SPAG16: variants seen among roughly 807,000 people sequenced by gnomAD.
SPAG16 encodes the protein sperm-associated antigen 16 protein.
A neutral mutation model predicts 80.4 loss-of-function variants in SPAG16; 86 were observed. That is an observed-to-expected ratio of 1.07 (90% CI 0.90 to 1.28). SPAG16 has a LOEUF of 1.28. Ranked by LOEUF, SPAG16 falls within the 50% of genes most tolerant of loss-of-function variation. The pLI is 0.00. For synonymous variants in SPAG16, 294 were observed against 265.9 expected, an observed-to-expected ratio of 1.11 and a Z score of -1.03; for missense variants, 870 against 765.3, an observed-to-expected ratio of 1.14 and a Z score of -1.61.
chr2:213,599,891 G>A (rs565565994), intron 10 of SPAG16, among the ~76,000 whole-genome samples: 1 of 152,118 alleles, frequency 6.6e-6, no homozygotes, highest in African/African-American at 2.4e-5. Context: ...TAGTAGAGAC[G>A]GGGTTTCACC....
At chr2:214,192,984 G>A (rs1352401503) in intron 15 of SPAG16, among the ~76,000 whole-genome samples, 1 of 151,992 alleles carries the variant, frequency 6.6e-6, no homozygotes, top group East Asian at 1.9e-4. Context: ...GCCAAGTGAC[G>A]ATGAAGTTTT....
chr2:213,680,759 T>C (rs560612978), intron 10 of SPAG16, among the ~76,000 whole-genome samples: 1 of 152,300 alleles, frequency 6.6e-6, no homozygotes, highest in African/African-American at 2.4e-5. Context: ...TGAGAACATG[T>C]GCTCAAGGTG....
intron 10 of SPAG16, among the ~76,000 whole-genome samples, chr2:213,791,031 AT>A (rs966031399): frequency 4.6e-5 from 7 of 151,796 alleles, no homozygotes; most frequent in East Asian, 1.9e-4. Flanking sequence ...ATTATCACTG[AT>A]TTTTTTTAGA....
At chr2:214,177,388 T>A (rs1231464791) in intron 15 of SPAG16, among the ~76,000 whole-genome samples, 5 of 151,166 alleles carry the variant, frequency 3.3e-5, no homozygotes, top group Admixed American at 2.0e-4. Context: ...TTCCATTTTT[T>A]AAAATTCTTA....
At chr2:213,666,220 G>T (rs2063595849) in intron 10 of SPAG16, among the ~76,000 whole-genome samples, 1 of 151,392 alleles carries the variant, frequency 6.6e-6, no homozygotes, top group South Asian at 2.1e-4. Flanking sequence ...TCTTTTTTTT[G>T]AACTAGACTG....
chr2:213,473,990 T>C (rs1316255402), intron 9 of SPAG16, among the ~76,000 whole-genome samples: 1 of 152,184 alleles, frequency 6.6e-6, no homozygotes, highest in Admixed American at 6.5e-5. Flanking sequence ...AAGTCATCAC[T>C]GTTGCTTCAG....
At chr2:214,302,736 G>C (rs745345159) in intron 15 of SPAG16, among the ~76,000 whole-genome samples, 38 of 152,320 alleles carry the variant, frequency 2.5e-4, no homozygotes, top group Non-Finnish European at 4.4e-4. Context: ...ACCTGCCTCA[G>C]CCTCCCGAAG....
intron 10 of SPAG16, among the ~76,000 whole-genome samples, chr2:213,632,085 T>C (rs538175915): frequency 1.3e-5 from 2 of 152,192 alleles, no homozygotes; most frequent in Non-Finnish European, 2.9e-5. Context: ...ATTGACATTT[T>C]AAAAATACTG....
chr2:214,213,784 T>C (rs572860006), intron 15 of SPAG16, among the ~76,000 whole-genome samples: 1 of 152,218 alleles, frequency 6.6e-6, no homozygotes, highest in Non-Finnish European at 1.5e-5. Flanking sequence ...GGTATACTAC[T>C]ATCTCCTCAA....
At chr2:213,393,192 C>A (rs1378765959) in intron 9 of SPAG16, among the ~76,000 whole-genome samples, 6 of 151,036 alleles carry the variant, frequency 4.0e-5, no homozygotes, top group African/African-American at 1.2e-4. Context: ...ATAACTGAGA[C>A]TGCAGTAAAA....
chr2:213,677,672 G>A (rs2064156452), intron 10 of SPAG16, among the ~76,000 whole-genome samples: 1 of 152,150 alleles, frequency 6.6e-6, no homozygotes, highest in African/African-American at 2.4e-5. Context: ...AATAATGGGA[G>A]CCTTTGACAC....
intron 15 of SPAG16, among the ~76,000 whole-genome samples, chr2:214,211,734 C>G (rs1275801599): frequency 2.0e-5 from 3 of 152,160 alleles, no homozygotes; most frequent in African/African-American, 4.8e-5. Context: ...TTGATCATTA[C>G]TAAGAATTTT....
chr2:213,925,147 TTTTTACAAGCATTTTTG>T (rs2078410185), intron 11 of SPAG16, among the ~76,000 whole-genome samples: 7 of 152,120 alleles, frequency 4.6e-5, no homozygotes, highest in Admixed American at 4.6e-4. Context: ...TTTTTTTTTA[TTTTTACAAGCATTTTTG>T]TTTTATTTTT....
In SPAG16 at chr2:214,403,355, G is replaced by T. The variant is rs1212978042; in HGVS notation, c.1721-6785G>T. Among the ~76,000 whole-genome samples, 33 of 147,916 alleles carry T rather than the reference G, an allele frequency of 2.2e-4. No homozygotes were observed. In the Admixed American group the frequency reaches 2.2e-3, roughly 10 times the overall value. On this transcript the variant is annotated intron_variant, in intron 15 of 15. Coordinates refer to ENST00000331683, the MANE Select transcript of SPAG16 (RefSeq NM_024532.5). ...TTTATATATTTATATTTATATATGAGATATATATTTATACTTATTAATTAT... is the reference window on the plus strand; with the variant it reads ...TTTATATATTTATATTTATATATGATATATATATTTATACTTATTAATTAT...
intron 10 of SPAG16, among the ~76,000 whole-genome samples, chr2:213,539,739 G>A (rs191921342): frequency 2.8e-4 from 43 of 152,168 alleles, no homozygotes; most frequent in South Asian, 1.0e-3. Context: ...TGCTAAAAGC[G>A]TGGTTAAACA....
chr2:214,283,698 G>A (rs1693133850), intron 15 of SPAG16, among the ~76,000 whole-genome samples: 1 of 152,146 alleles, frequency 6.6e-6, no homozygotes, highest in Admixed American at 6.6e-5. Flanking sequence ...TGCTGATATT[G>A]GCAGAATTTT....
chr2:213,587,729 T>C lies in SPAG16; in HGVS notation c.1070+97639T>C, dbSNP rs116692073. ...TTCCTTCAGATTAAAATATTTTAAA[T>C]TCTCTCTTTTTACTGTAAGCAAAAA... On this transcript the variant is annotated intron_variant, in intron 10 of 15. Transcript: ENST00000331683. 8.5e-3 allele frequency among the ~76,000 whole-genome samples: 1,286 copies of C among 151,062 alleles called. 19 individuals carry two copies. The highest frequency in any genetic ancestry group is 0.031 in the African/African-American group (1,235 of 40,424).
At chr2:214,408,374 A>G (rs994587235) in intron 15 of SPAG16, among the ~76,000 whole-genome samples, 10 of 152,144 alleles carry the variant, frequency 6.6e-5, no homozygotes, top group African/African-American at 1.2e-4. Context: ...AGTGAAATCC[A>G]TATGTAATGC....
intron 10 of SPAG16, among the ~76,000 whole-genome samples, chr2:213,806,973 T>C (rs555104655): frequency 1.2e-4 from 19 of 152,314 alleles, no homozygotes; most frequent in African/African-American, 3.8e-4. Context: ...CTGTTTTCCA[T>C]ATCAATTCAC....
Sources: allele counts gnomAD v4.1 joint callset (sites outside exome capture counted in the v4.1 genomes callset), GRCh38; gene constraint gnomAD v4.1.1; transcripts MANE v1.5; gene names NCBI Gene and HGNC (gene_info 2026-07-23, HGNC 2026-07-21).